Variants in AXDND1 observed in about 807,000 individuals in gnomAD.
The protein encoded by AXDND1 is axonemal dynein light chain domain-containing protein 1.
AXDND1 carries 110 observed loss-of-function variants against 137.5 expected under a neutral mutation model. That is an observed-to-expected ratio of 0.80 (90% CI 0.69 to 0.94). AXDND1 has a LOEUF of 0.94. Among genes scored for constraint, AXDND1 ranks in the 40% least tolerant of loss-of-function variants. The pLI, the probability that AXDND1 is intolerant of heterozygous loss-of-function variation, is 0.00. For missense variants in AXDND1, 1,191 were observed against 1,169.8 expected (o/e 1.02, Z -0.26); for synonymous variants, 414 against 399.7 (o/e 1.04, Z -0.43).
intron 2 of AXDND1, among the ~76,000 whole-genome samples, chr1:179,368,380 G>T (rs918924042): frequency 6.6e-5 from 10 of 152,076 alleles, no homozygotes; most frequent in African/African-American, 2.2e-4. Context: ...TCTCACCTTT[G>T]AATTCATGTA....
At chr1:179,493,718 G>C (rs973698357) in intron 20 of AXDND1, among the ~76,000 whole-genome samples, 4 of 152,128 alleles carry the variant, frequency 2.6e-5, no homozygotes, top group African/African-American at 9.7e-5. Context: ...AGAAGAATTG[G>C]CTATCTCCAA....
intron 20 of AXDND1, among the ~76,000 whole-genome samples, chr1:179,496,318 C>T (rs1000989487): frequency 2.0e-5 from 3 of 151,862 alleles, no homozygotes; most frequent in Non-Finnish European, 2.9e-5. Context: ...TAGAATTCAC[C>T]AGTGAAGCAT....
At chr1:179,398,657 A>T (rs968404573) in intron 11 of AXDND1, among the ~76,000 whole-genome samples, 1 of 151,944 alleles carries the variant, frequency 6.6e-6, no homozygotes, top group African/African-American at 2.4e-5. Flanking sequence ...GCATGGGGGC[A>T]AGGCTCTGGC....
intron 6 of AXDND1, among the ~76,000 whole-genome samples, chr1:179,380,523 C>T (rs1468895846): frequency 1.3e-5 from 2 of 152,158 alleles, no homozygotes; most frequent in Non-Finnish European, 1.5e-5. Flanking sequence ...ATTGCAGACT[C>T]ATTATCTTGT....
chr1:179,396,282 A>T (rs1651048841), intron 11 of AXDND1, among the ~76,000 whole-genome samples: 1 of 152,106 alleles, frequency 6.6e-6, no homozygotes, highest in African/African-American at 2.4e-5. Flanking sequence ...CCCAGAGTTA[A>T]TCACTAATCA....
chr1:179,380,266 A>G (rs967060517), intron 6 of AXDND1, among the ~76,000 whole-genome samples: 2 of 151,396 alleles, frequency 1.3e-5, no homozygotes, highest in African/African-American at 4.8e-5. Flanking sequence ...AAATACATAA[A>G]TGAAAGAAAA....
chr1:179,381,343 ATTT>A (rs34030931), intron 6 of AXDND1, among the ~76,000 whole-genome samples: 8 of 106,194 alleles, frequency 7.5e-5, no homozygotes, highest in Non-Finnish European at 5.6e-5. Context: ...CACATGGCTG[ATTT>A]TTTTTTTTTT....
At chr1:179,418,288 G>A (rs1422780567) in intron 12 of AXDND1, among the ~76,000 whole-genome samples, 1 of 152,220 alleles carries the variant, frequency 6.6e-6, no homozygotes, top group Non-Finnish European at 1.5e-5. Context: ...ACATGTTTCA[G>A]AGAGCATAGG....
intron 11 of AXDND1, among the ~76,000 whole-genome samples, chr1:179,397,448 G>A (rs1357420970): frequency 2.0e-5 from 3 of 152,020 alleles, no homozygotes; most frequent in African/African-American, 7.3e-5. Context: ...TTGAGAATCT[G>A]ATGATTATGT....
chr1:179,423,408 A>G (rs1245917706), intron 12 of AXDND1, among the ~76,000 whole-genome samples: 4 of 152,078 alleles, frequency 2.6e-5, no homozygotes, highest in African/African-American at 9.7e-5. Flanking sequence ...GTACCTTTTA[A>G]TTGGATAATT....
chr1:179,444,407 T>A (rs10913765), intron 15 of AXDND1, among the ~76,000 whole-genome samples: 31 of 151,820 alleles, frequency 2.0e-4, no homozygotes, highest in African/African-American at 7.3e-4. Context: ...TGTCTCCCCA[T>A]GCTAATTACT....
chr1:179,430,364 C>A, intron 13 of AXDND1, 88 bp from the exon 14 acceptor site: 1 of 994,108 alleles, frequency 1.0e-6, no homozygotes, highest in Non-Finnish European at 1.4e-6. Flanking sequence ...TCTAGTATTA[C>A]AATATTAATA....
At chr1:179,397,073 T>G (rs1651179996) in intron 11 of AXDND1, among the ~76,000 whole-genome samples, 1 of 152,248 alleles carries the variant, frequency 6.6e-6, no homozygotes, top group African/African-American at 2.4e-5. Flanking sequence ...GGTTGCTTCA[T>G]AGTGTCACTG....
At chr1:179,494,975 A>G (rs999263947) in intron 20 of AXDND1, among the ~76,000 whole-genome samples, 1 of 152,146 alleles carries the variant, frequency 6.6e-6, no homozygotes, top group South Asian at 2.1e-4. Flanking sequence ...TACTTTCTCT[A>G]TTGAGATGCC....
chr1:179,383,631 A>T, intron 8 of AXDND1, 87 bp downstream of exon 8: 2 of 918,966 alleles, frequency 2.2e-6, no homozygotes, highest in Middle Eastern at 2.2e-4. Context: ...ACCCTGCCAT[A>T]TATTTACTAA....
chr1:179,431,602 G>T (rs764089990), intron 14 of AXDND1, among the ~76,000 whole-genome samples: 4 of 151,442 alleles, frequency 2.6e-5, no homozygotes, highest in Non-Finnish European at 5.9e-5. Flanking sequence ...TGTCTGTTAG[G>T]TAGCATTTCC....
chr1:179,422,806 C>T (rs1655970767), intron 12 of AXDND1, among the ~76,000 whole-genome samples: 1 of 152,116 alleles, frequency 6.6e-6, no homozygotes, highest in Non-Finnish European at 1.5e-5. Context: ...CTCTGTTGCC[C>T]AGGCTGGAGT....
chr1:179,538,718 C>T (rs1474400627), intron 25 of AXDND1, among the ~76,000 whole-genome samples: 4 of 152,116 alleles, frequency 2.6e-5, no homozygotes, highest in African/African-American at 9.7e-5. Context: ...CTACTTGGTC[C>T]AGAGCTGAGT....
intron 22 of AXDND1, 117 bp downstream of exon 22, chr1:179,525,564 A>G: frequency 1.6e-6 from 2 of 1,241,086 alleles, no homozygotes; most frequent in East Asian, 3.1e-5. Flanking sequence ...TGGTATCATC[A>G]TAGCTCACTG....
Sources: allele counts gnomAD v4.1 joint callset (sites outside exome capture counted in the v4.1 genomes callset), GRCh38; gene constraint gnomAD v4.1.1; transcripts MANE v1.5; gene names NCBI Gene and HGNC (gene_info 2026-07-23, HGNC 2026-07-21).